ZNF600: variants seen among roughly 807,000 people sequenced by gnomAD.
The protein encoded by ZNF600 is zinc finger protein 600.
ZNF600 carries 4 observed loss-of-function variants against 7.3 expected under a neutral mutation model. The ratio of observed to expected loss-of-function variants is 0.55; its 90% CI spans 0.27 to 1.25. ZNF600 has a LOEUF of 1.25. Among genes scored for constraint, ZNF600 ranks in the 50% most tolerant of loss-of-function variants. ZNF600 has a pLI of 0.12. For synonymous variants in ZNF600, 290 were observed against 308.9 expected, an observed-to-expected ratio of 0.94 and a Z score of 0.64; for missense variants, 911 against 922.1, an observed-to-expected ratio of 0.99 and a Z score of 0.16.
At chr19:52,773,281 A>T (rs775483669) in intron 3 of ZNF600, among the ~76,000 whole-genome samples, 16 of 152,324 alleles carry the variant, frequency 1.1e-4, no homozygotes, top group East Asian at 1.9e-4. Flanking sequence ...CAAATGGTAA[A>T]ATATTGACCC....
chr19:52,800,836 T>C, the ZNF600 span: 7 of 1,613,834 alleles, frequency 4.3e-6, no homozygotes, highest in Middle Eastern at 1.6e-4. Flanking sequence ...GAATTACATG[T>C]GAAAGCTTTG....
chr19:52,821,330 T>C, the ZNF600 span, among the ~76,000 whole-genome samples: 1 of 151,090 alleles, frequency 6.6e-6, no homozygotes, highest in Non-Finnish European at 1.5e-5. Context: ...CAAAAAAAGG[T>C]TTTGAGCAGG....
At chr19:52,808,202 GA>G in the ZNF600 span, 1 of 1,591,524 alleles carries the variant, frequency 6.3e-7, no homozygotes, top group Non-Finnish European at 8.5e-7. Context: ...AATGACAAGA[GA>G]GGGGGAAAGC....
At chr19:52,781,756 C>CT (rs1283247390) in intron 1 of ZNF600, among the ~76,000 whole-genome samples, 4 of 137,998 alleles carry the variant, frequency 2.9e-5, no homozygotes, top group African/African-American at 1.2e-4. Context: ...GGGTGACACT[C>CT]TATCTTAAAA....
At chr19:52,811,584 A>G in the ZNF600 span, among the ~76,000 whole-genome samples, 1 of 137,210 alleles carries the variant, frequency 7.3e-6, no homozygotes, top group African/African-American at 2.9e-5. Flanking sequence ...CTGGGCCGCA[A>G]CCCTGTCTGG....
At chr19:52,788,519 TG>T (rs1364461807), upstream of ZNF600, among the ~76,000 whole-genome samples, 1 of 152,090 alleles carries the variant, frequency 6.6e-6, no homozygotes, top group Non-Finnish European at 1.5e-5. Context: ...GGGATAAAGA[TG>T]GTTCTCTGCT....
the ZNF600 span, among the ~76,000 whole-genome samples, chr19:52,793,681 C>T: frequency 2.7e-5 from 4 of 148,870 alleles, no homozygotes; most frequent in Non-Finnish European, 5.9e-5. Context: ...GTAGGAGCAT[C>T]GCTTGAACCC....
At chr19:52,773,303 T>C (rs1432473473) in intron 3 of ZNF600, among the ~76,000 whole-genome samples, 2 of 152,130 alleles carry the variant, frequency 1.3e-5, no homozygotes, top group Non-Finnish European at 2.9e-5. Context: ...AGGTTAAATA[T>C]TCAAATTACA....
intron 3 of ZNF600, among the ~76,000 whole-genome samples, chr19:52,770,619 C>T (rs1218887647): frequency 6.6e-6 from 1 of 151,972 alleles, no homozygotes; most frequent in South Asian, 2.1e-4. Flanking sequence ...AATTTATAAA[C>T]AGATCAGAGA....
chr19:52,814,066 C>T, the ZNF600 span, among the ~76,000 whole-genome samples: 2 of 146,260 alleles, frequency 1.4e-5, no homozygotes, highest in East Asian at 4.0e-4. Flanking sequence ...TACAGAATTT[C>T]TTCTAAAGCC....
At chr19:52,800,357 T>A in the ZNF600 span, 1 of 1,613,792 alleles carries the variant, frequency 6.2e-7, no homozygotes, top group African/African-American at 1.3e-5. Context: ...AAACCTTACA[T>A]TTGTATGGTT....
At chr19:52,830,211 G>A in the ZNF600 span, among the ~76,000 whole-genome samples, 1 of 152,154 alleles carries the variant, frequency 6.6e-6, no homozygotes, top group Non-Finnish European at 1.5e-5. Flanking sequence ...GGCAGAGGCT[G>A]GAGTGAGCTG....
the ZNF600 span, among the ~76,000 whole-genome samples, chr19:52,823,275 G>A: frequency 3.9e-5 from 6 of 152,144 alleles, no homozygotes; most frequent in African/African-American, 1.4e-4. Context: ...GTGCAGTGGT[G>A]CAATCTTGGC....
chr19:52,827,262 AGAAAAAAAG>A, the ZNF600 span, among the ~76,000 whole-genome samples: 22 of 151,548 alleles, frequency 1.5e-4, no homozygotes, highest in Middle Eastern at 3.4e-3. Flanking sequence ...AAAAAAAAAA[AGAAAAAAAG>A]AAAATTGGCT....
rs754618290 is a variant in ZNF600, at chr19:52,766,963, T to A, written c.1000A>T (p.Lys334Ter). The A allele has an allele frequency of 6.2e-7, 1 of 1,614,010 alleles. No homozygotes were observed. The highest frequency in any genetic ancestry group is 8.5e-7 in the Non-Finnish European group (1 of 1,180,002). The change falls in exon 4 of 4, where the codon AAG becomes TAG. Residue 334 changes from lysine to a stop codon, truncating the protein, a stop_gained. Coordinates refer to ENST00000648973, the Ensembl canonical transcript of ZNF600. LOFTEE classifies it low-confidence loss of function (END_TRUNC). ...GGTTTTTCTCCAGTATGAATTGCCT[T>A]ATGAATTACAAGGGCTGAATTTTGA...
At chr19:52,815,100 T>TA in the ZNF600 span, among the ~76,000 whole-genome samples, 1 of 79,582 alleles carries the variant, frequency 1.3e-5, no homozygotes, top group East Asian at 2.1e-4. Context: ...TATATATATA[T>TA]TTATATATAT....
the ZNF600 span, among the ~76,000 whole-genome samples, chr19:52,821,962 G>A: frequency 6.6e-6 from 1 of 151,182 alleles, no homozygotes; most frequent in Non-Finnish European, 1.5e-5. Context: ...GCGAGACAGG[G>A]ATACAACATT....
chr19:52,831,965 A>G, the ZNF600 span, among the ~76,000 whole-genome samples: 4 of 152,006 alleles, frequency 2.6e-5, no homozygotes, highest in South Asian at 6.2e-4. Flanking sequence ...GATAGTTGAC[A>G]ACAATGAAAA....
chr19:52,821,929 TAATAAA>T, the ZNF600 span, among the ~76,000 whole-genome samples: 13 of 92,152 alleles, frequency 1.4e-4, no homozygotes, highest in African/African-American at 4.6e-4. Context: ...AATAAAAAAA[TAATAAA>T]AAAAAAATTT....
Sources: gnomAD v4.1 joint callset for allele counts (sites outside exome capture counted in the v4.1 genomes callset) on GRCh38, gnomAD v4.1.1 for gene constraint, MANE v1.5 for transcripts, NCBI Gene and HGNC (gene_info 2026-07-23, HGNC 2026-07-21) for gene names.